The following FSIP2 variants were observed in gnomAD, a reference collection of about 807,000 sequenced individuals.
The protein encoded by FSIP2 is fibrous sheath-interacting protein 2.
FSIP2 carries 367 observed loss-of-function variants against 510.5 expected under a neutral mutation model. That is an observed-to-expected ratio of 0.72 (90% CI 0.66 to 0.78). The LOEUF is 0.78. Among genes scored for constraint, FSIP2 ranks in the 30% least tolerant of loss-of-function variants. The pLI is 0.00. For missense variants in FSIP2, 7,594 were observed against 7,901.7 expected (o/e 0.96, Z 1.48); for synonymous variants, 2,601 against 2,732.2 (o/e 0.95, Z 1.50).
intron 13 of FSIP2, among the ~76,000 whole-genome samples, chr2:185,782,502 G>C (rs1168712154): frequency 1.3e-5 from 2 of 152,198 alleles, no homozygotes; most frequent in Admixed American, 6.5e-5. Flanking sequence ...ACTAGTCAGA[G>C]AAGACACTGG....
intron 13 of FSIP2, among the ~76,000 whole-genome samples, chr2:185,779,010 G>GT (rs909649986): frequency 2.0e-5 from 3 of 151,850 alleles, no homozygotes; most frequent in Non-Finnish European, 4.4e-5. Context: ...CATAAGTTAT[G>GT]TTTTTTGCCT....
intron 13 of FSIP2, among the ~76,000 whole-genome samples, chr2:185,775,817 C>G (rs1028873760): frequency 6.6e-6 from 1 of 152,134 alleles, no homozygotes; most frequent in African/African-American, 2.4e-5. Flanking sequence ...GTGTGCACCA[C>G]CATACTCAGC....
intron 15 of FSIP2, 129 bp downstream of exon 15, chr2:185,786,417 C>T: frequency 1.6e-6 from 1 of 628,358 alleles, no homozygotes. Context: ...TCCTTTTTGC[C>T]CCTTTTTCTT....
intron 14 of FSIP2, among the ~76,000 whole-genome samples, chr2:185,785,447 T>C (rs996330208): frequency 1.3e-5 from 2 of 152,042 alleles, no homozygotes; most frequent in African/African-American, 2.4e-5. Context: ...GTAAATTTGA[T>C]CATGTAGAGT....
intron 13 of FSIP2, among the ~76,000 whole-genome samples, chr2:185,780,915 A>G (rs2105593073): frequency 1.3e-5 from 2 of 152,328 alleles, no homozygotes; most frequent in East Asian, 3.9e-4. Context: ...GGGACAATAC[A>G]GTTTCTGTGG....
intron 2 of FSIP2, among the ~76,000 whole-genome samples, chr2:185,741,373 G>A (rs936972715): frequency 6.6e-6 from 1 of 152,094 alleles, no homozygotes; most frequent in Non-Finnish European, 1.5e-5. Context: ...CCTTTTAAGG[G>A]CAACCAGTTA....
chr2:185,763,507 G>A (rs908517904), intron 12 of FSIP2, among the ~76,000 whole-genome samples: 1 of 151,672 alleles, frequency 6.6e-6, no homozygotes, highest in African/African-American at 2.4e-5. Context: ...ACAACTTTTA[G>A]AGGAAGTATA....
chr2:185,752,708 A>T (rs566778331), intron 7 of FSIP2, among the ~76,000 whole-genome samples: 61 of 151,080 alleles, frequency 4.0e-4, no homozygotes, highest in Non-Finnish European at 7.0e-4. Context: ...CACTTTGTTT[A>T]TATACAAATT....
chr2:185,780,656 T>TAATA (rs1187250375), intron 13 of FSIP2, among the ~76,000 whole-genome samples: 2 of 152,050 alleles, frequency 1.3e-5, no homozygotes, highest in African/African-American at 2.4e-5. Flanking sequence ...GGTCTAATTT[T>TAATA]AATATATTGT....
chr2:185,791,213 C>G lies in FSIP2; in HGVS notation c.4077C>G (p.Thr1359=). Residue 1359 remains threonine, a synonymous_variant, in exon 16 of 23, where the codon ACC becomes ACG. Transcript: ENST00000424728. The stretch of plus-strand genomic sequence containing the variant: ...ACATTTTGGCGAGTCCATTATTAAC[C>G]TGTATTTATGATATGTTGTTATCAA... ...DDDILASPLL[T]CIYDMLLSSE... The G allele has an allele frequency of 6.5e-7, 1 of 1,533,742 alleles. No homozygotes were observed. The highest frequency in any genetic ancestry group is 1.7e-4 in the Middle Eastern group (1 of 5,966).
chr2:185,784,454 TGAAA>T (rs1202980657), intron 14 of FSIP2, among the ~76,000 whole-genome samples: 1 of 151,918 alleles, frequency 6.6e-6, no homozygotes, highest in Non-Finnish European at 1.5e-5. Flanking sequence ...TAGGAAAAAT[TGAAA>T]GAAAGAAACT....
In FSIP2 at chr2:185,789,435, G is replaced by A; in HGVS notation, c.2299G>A (p.Glu767Lys). ...TGTGGAAAATATGCTTGAGAAGTTA[G>A]AGTCTGCAGTTGAGAAAAAATGTGT... is the stretch of plus-strand genomic sequence containing the variant. ...EIVENMLEKLESAVEKKCVEM... is the reference protein window; with the variant it reads ...EIVENMLEKLKSAVEKKCVEM... Residue 767 changes from glutamate (E) to lysine (K), a missense_variant, in exon 16 of 23, where the codon GAG becomes AAG. Transcript: ENST00000424728. 6.5e-7 allele frequency: 1 copy of A among 1,534,752 alleles called. No individual in the cohort carries two copies. Among genetic ancestry groups the A allele is most frequent in the Non-Finnish European group, 8.7e-7 (1 of 1,145,884 alleles).
At chr2:185,740,910 A>G (rs978523806) in intron 2 of FSIP2, among the ~76,000 whole-genome samples, 18 of 152,062 alleles carry the variant, frequency 1.2e-4, no homozygotes, top group African/African-American at 4.3e-4. Flanking sequence ...AGTCAATCTA[A>G]CACACTAAAT....
Position 185,795,383 on chromosome 2 carries a change from A to C in FSIP2, c.8247A>C (p.Thr2749=). Residue 2749 remains threonine (T), a synonymous_variant, in exon 16 of 23, where the codon ACA becomes ACC. Transcript: ENST00000424728. ...ATATAATAATTAACATCCTAGAAAC[A>C]ATTGTGAAGGAATTTGGAAAGGTAA... ...AKDIIINILE[T]IVKEFGKVKQ... The C allele has an allele frequency of 6.5e-7, 1 of 1,534,974 alleles. No individual in the cohort carries two copies.
At chr2:185,783,726 CTTAT>C (rs1166170501) in intron 14 of FSIP2, 6 of 152,028 alleles carry the variant, frequency 3.9e-5, no homozygotes, top group Non-Finnish European at 7.4e-5. Context: ...GTTTATTTTA[CTTAT>C]TTGATACAAA....
Position 185,808,028 on chromosome 2 carries a change from T to C in FSIP2, c.18722T>C (p.Val6241Ala). ...LVPPTKESPT[V>A]PVADNATIEN... ...CCACCCACCAAGGAATCACCTACTG[T>C]GCCTGTAGCTGATAATGCAACTATT... The change falls in exon 17 of 23, where the codon GTG becomes GCG. Residue 6241 changes from valine (V) to alanine (A), a missense_variant. Physicochemically the swap from Val to Ala is moderately conservative, Grantham distance 64. Transcript: ENST00000424728. 1 of 1,610,566 alleles carries C rather than the reference T, an allele frequency of 6.2e-7. No individual in the cohort carries two copies. The highest frequency in any genetic ancestry group is 8.5e-7 in the Non-Finnish European group (1 of 1,177,942).
At chr2:185,780,072 C>CAAA (rs555770165) in intron 13 of FSIP2, among the ~76,000 whole-genome samples, 64 of 133,502 alleles carry the variant, frequency 4.8e-4, no homozygotes, top group Middle Eastern at 3.5e-3. Flanking sequence ...CACTCCATCT[C>CAAA]AAAAAAAAAA....
In FSIP2 at chr2:185,792,448, A is replaced by C; in HGVS notation, c.5312A>C (p.Glu1771Ala). 1 of 1,532,382 alleles carries C rather than the reference A, an allele frequency of 6.5e-7. No homozygotes were observed. Among genetic ancestry groups the C allele is most frequent in the South Asian group, 1.2e-5 (1 of 83,942 alleles). 94.9% of individuals were successfully genotyped at this position (1,532,382 alleles called of 1,614,324 possible). ...AACAAAATTGAAGTAAAACTCAAAG[A>C]ACCACATATATCTCCAATTGCTCCC... The part of the protein sequence containing the change: ...TLNKIEVKLK[E>A]PHISPIAPII... The change falls in exon 16 of 23, where the codon GAA becomes GCA. Residue 1771 changes from glutamate to alanine, a missense_variant. Transcript: ENST00000424728.
chr2:185,802,071 C>A lies in FSIP2; in HGVS notation c.12765C>A (p.Ile4255=). 6.5e-7 allele frequency: 1 copy of A among 1,533,356 alleles called. No homozygotes were observed. Among genetic ancestry groups the A allele is most frequent in the Non-Finnish European group, 8.7e-7 (1 of 1,145,154 alleles). The allele number at this position is 1,533,356 out of a possible 1,614,324, so 95.0% of individuals were successfully genotyped here. A position where few individuals can be genotyped will look rare whatever the true frequency, so the allele number is the denominator to read the frequency against. ...CCAGCTTTATCATCCAAGAGATTAT[C>A]GAAAATCATCTTCAACCATTTTTGA... The part of the protein sequence containing the change: ...QIASFIIQEI[I]ENHLQPFLSG... The change falls in exon 17 of 23, where the codon ATC becomes ATA. Residue 4255 remains isoleucine (I), a synonymous_variant. Transcript: ENST00000424728.
Sources: allele counts gnomAD v4.1 joint callset (sites outside exome capture counted in the v4.1 genomes callset), GRCh38; gene constraint gnomAD v4.1.1; transcripts MANE v1.5; gene names NCBI Gene and HGNC (gene_info 2026-07-23, HGNC 2026-07-21).